TVP23A: variants seen among roughly 807,000 people sequenced by gnomAD.
The protein encoded by TVP23A is trans-golgi network vesicle protein 23 homolog A, also known as Golgi apparatus membrane protein TVP23 homolog A.
TVP23A carries 21 observed loss-of-function variants against 31.7 expected under a neutral mutation model. The observed-to-expected ratio is 0.66, with a 90% CI of 0.47 to 0.95. The LOEUF is 0.95. Ranked by LOEUF, TVP23A falls within the 40% of genes least tolerant of loss-of-function variation. TVP23A has a pLI of 0.00. For synonymous variants in TVP23A, 104 were observed against 96.0 expected (o/e 1.08, Z -0.49); for missense variants, 279 against 255.6 (o/e 1.09, Z -0.62).
intron 2 of TVP23A, among the ~76,000 whole-genome samples, chr16:10,799,420 G>A (rs375242006): frequency 1.1e-4 from 17 of 152,186 alleles, no homozygotes; most frequent in East Asian, 3.9e-4. Context: ...TGCAACCTCC[G>A]ACTCCCAGGT....
At chr16:10,805,943 T>C (rs146619104) in intron 2 of TVP23A, among the ~76,000 whole-genome samples, 1,652 of 152,308 alleles carry the variant, frequency 0.011, 30 homozygotes, top group African/African-American at 0.038. Context: ...ATTTTGGTTG[T>C]CACAGTGGGG....
At chr16:10,805,546 G>A (rs1051299295) in intron 2 of TVP23A, among the ~76,000 whole-genome samples, 15 of 148,484 alleles carry the variant, frequency 1.0e-4, no homozygotes, top group South Asian at 2.2e-4. Flanking sequence ...GAGTCATCTC[G>A]GAAGCCGGCT....
Position 10,818,379 on chromosome 16 carries a change from C to A in TVP23A, c.9+106G>T. ...CTCCCGACCACCGGGTGCAGCCCAG[C>A]CCCAGGCCCCGGCGCATCCCTCCTC... On this transcript the variant is annotated intron_variant, in intron 1 of 7. Coordinates refer to ENST00000299866, the MANE Select transcript of TVP23A (RefSeq NM_001079512.4). This position sits in a 1 kb window ranked among gnomAD's most constrained non-coding sequence, Gnocchi z 4.7. 6.6e-7 allele frequency: 1 copy of A among 1,505,366 alleles called. No individual in the cohort carries two copies. Among genetic ancestry groups the A allele is most frequent in the Non-Finnish European group, 9.0e-7 (1 of 1,113,582 alleles). The allele number at this position is 1,505,366 out of a possible 1,614,324, so 93.3% of individuals were successfully genotyped here.
Position 10,812,682 on chromosome 16 carries a change from G to A in TVP23A, c.89+5421C>T, listed in dbSNP as rs180812030. Among the ~76,000 whole-genome samples the A allele has an allele frequency of 5.9e-5, 9 of 152,222 alleles. No individual in the cohort carries two copies. In the East Asian group the frequency reaches 1.7e-3, roughly 29 times the overall value. On this transcript the variant is annotated intron_variant, in intron 2 of 7. Coordinates refer to ENST00000299866, the MANE Select transcript of TVP23A (RefSeq NM_001079512.4). ...CAAATACTGTATGACCCTTTTATGG[G>A]GTCCCTAGAGTAGTCAAATGCATAC...
rs1567310412 is a variant in TVP23A at position 10,803,270 on chromosome 16, T to TGTGTGTGTGTGTGTGTGTGTGTGTGC, written c.89+14832_89+14833insGCACACACACACACACACACACACAC. On this transcript the variant is annotated intron_variant, in intron 2 of 7. Transcript: ENST00000299866. ...CTGTGTGTGTGTGTGTGTGTGTGTGTGTGTGTGTGTGTGTGTCAGAGTCTG... is the reference window on the plus strand; with the variant it reads ...CTGTGTGTGTGTGTGTGTGTGTGTGTGTGTGTGTGTGTGTGTGTGTGTGTGCGTGTGTGTGTGTGTGTCAGAGTCTG... 4.6e-5 allele frequency among the ~76,000 whole-genome samples: 7 copies of TGTGTGTGTGTGTGTGTGTGTGTGTGC among 151,948 alleles called. No individual in the cohort carries two copies. The East Asian group carries it at 1.4e-3, about 29-fold the overall frequency.
downstream of TVP23A, among the ~76,000 whole-genome samples, chr16:10,762,867 CA>C (rs1170330719): frequency 2.0e-5 from 3 of 152,002 alleles, no homozygotes; most frequent in Non-Finnish European, 2.9e-5. Context: ...GGGCGGAGGC[CA>C]CGTGGGGAGC....
intron 4 of TVP23A, 100 bp from the exon 5 acceptor site, chr16:10,773,541 G>A (rs1017621049): frequency 2.4e-5 from 34 of 1,391,820 alleles, no homozygotes; most frequent in Non-Finnish European, 3.3e-5. Context: ...TGCTTTTGTT[G>A]CTGTGGGATT....
At chr16:10,808,419 A>G (rs2034042086) in intron 2 of TVP23A, 3 of 415,574 alleles carry the variant, frequency 7.2e-6, no homozygotes, top group African/African-American at 4.1e-5. Flanking sequence ...GCCCACTAAC[A>G]TGTGATTTCC....
intron 2 of TVP23A, among the ~76,000 whole-genome samples, chr16:10,804,676 C>T (rs1323196733): frequency 2.0e-5 from 3 of 152,172 alleles, no homozygotes; most frequent in Admixed American, 6.6e-5. Flanking sequence ...AGCCCAGGAG[C>T]TCGAGGCTGC....
chr16:10,761,165 C>A (rs941089436), downstream of TVP23A: 10 of 492,072 alleles, frequency 2.0e-5, no homozygotes, highest in Non-Finnish European at 3.7e-5. Context: ...CTGCCTGTTC[C>A]TGTAGGGATG....
rs74773487 is a variant in TVP23A, at chr16:10,767,626, A to G, written c.*1476T>C. On this transcript the variant is annotated 3_prime_UTR_variant, in exon 8 of 8. Coordinates refer to ENST00000299866, the MANE Select transcript of TVP23A (RefSeq NM_001079512.4). The surrounding 1 kb of genome is among the most constrained non-coding windows in gnomAD (Gnocchi z 4.6). ...CTTTTTTTAACCATGTGCATTCATGATCCTTTCACTCAAAAGCTAATCTCT... is the reference window on the plus strand; with the variant it reads ...CTTTTTTTAACCATGTGCATTCATGGTCCTTTCACTCAAAAGCTAATCTCT... The G allele has an allele frequency of 2.3e-6, 1 of 438,192 alleles. No individual in the cohort carries two copies. The allele number at this position is 438,192 out of a possible 1,614,324, so 27.1% of individuals were successfully genotyped here. A position where few individuals can be genotyped will look rare whatever the true frequency, so the allele number is the denominator to read the frequency against.
rs1000544494 is a variant in TVP23A, at chr16:10,777,499, G to T, written c.90-2403C>A. On this transcript the variant is annotated intron_variant, in intron 2 of 7. Transcript: ENST00000299866. This position sits in a 1 kb window ranked among gnomAD's most constrained non-coding sequence, Gnocchi z 4.5. ...CTGCTCATTCTCCCCAAGAAGAAAC[G>T]GAGTCCGAGTCAACAAACCACAGGT... is the stretch of plus-strand genomic sequence containing the variant. Among the ~76,000 whole-genome samples the T allele has an allele frequency of 6.6e-6, 1 of 152,054 alleles. No homozygotes were observed. The highest frequency in any genetic ancestry group is 2.4e-5 in the African/African-American group (1 of 41,402).
chr16:10,762,316 G>A (rs567320858), downstream of TVP23A, among the ~76,000 whole-genome samples: 3 of 152,296 alleles, frequency 2.0e-5, no homozygotes, highest in South Asian at 2.1e-4. Flanking sequence ...ACCGGAACGC[G>A]GATCACTGGC....
At chr16:10,764,477 G>C (rs1008570856), downstream of TVP23A, among the ~76,000 whole-genome samples, 2 of 150,120 alleles carry the variant, frequency 1.3e-5, no homozygotes. Context: ...GCTGGAGTAT[G>C]TCAGTCTATT....
In TVP23A at chr16:10,818,224, G is replaced by T; in HGVS notation, c.10-42C>A. The T allele has an allele frequency of 6.6e-7, 1 of 1,522,412 alleles. No homozygotes were observed. Among genetic ancestry groups the T allele is most frequent in the Non-Finnish European group, 8.9e-7 (1 of 1,118,492 alleles). 94.3% of individuals were successfully genotyped at this position (1,522,412 alleles called of 1,614,324 possible). A position where few individuals can be genotyped will look rare whatever the true frequency, so the allele number is the denominator to read the frequency against. ...GGCAGGTGGCAGGCCCAAGCACGGCGCACACCCCAACCCCACCCGCCCTGT... is the reference window on the plus strand; with the variant it reads ...GGCAGGTGGCAGGCCCAAGCACGGCTCACACCCCAACCCCACCCGCCCTGT... On this transcript the variant is annotated intron_variant, in intron 1 of 7. Transcript: ENST00000299866. The surrounding 1 kb of genome is among the most constrained non-coding windows in gnomAD (Gnocchi z 4.7).
chr16:10,769,358 G>A (rs1157912601), intron 7 of TVP23A: 10 of 417,840 alleles, frequency 2.4e-5, no homozygotes, highest in South Asian at 9.6e-5. Flanking sequence ...TCTCTCCCCC[G>A]AGGCCTGTTT....
intron 2 of TVP23A, among the ~76,000 whole-genome samples, chr16:10,783,404 G>A (rs937090401): frequency 2.6e-5 from 4 of 152,088 alleles, no homozygotes; most frequent in East Asian, 3.9e-4. Context: ...GGCCAGGTGT[G>A]GTGGCTCATA....
intron 2 of TVP23A, among the ~76,000 whole-genome samples, chr16:10,807,121 G>C (rs1241246905): frequency 1.3e-5 from 2 of 152,216 alleles, no homozygotes; most frequent in African/African-American, 4.8e-5. Flanking sequence ...TCAGGGGACA[G>C]GGGTCTGGAT....
At chr16:10,801,251 A>G (rs1308323983) in intron 2 of TVP23A, among the ~76,000 whole-genome samples, 1 of 152,170 alleles carries the variant, frequency 6.6e-6, no homozygotes, top group Non-Finnish European at 1.5e-5. Flanking sequence ...AAAAAAGAAA[A>G]TGTCCCTTTA....
Sources: allele counts gnomAD v4.1 joint callset (sites outside exome capture counted in the v4.1 genomes callset), GRCh38; gene constraint gnomAD v4.1.1; non-coding constraint Gnocchi (gnomAD v3.1); transcripts MANE v1.5; gene names NCBI Gene and HGNC (gene_info 2026-07-23, HGNC 2026-07-21).